PRKD3: variants seen among roughly 807,000 people sequenced by gnomAD.
PRKD3 encodes serine/threonine-protein kinase D3.
In PRKD3, 47 loss-of-function variants were observed where a neutral mutation model predicts 99.2. The observed-to-expected ratio is 0.47, with a 90% CI of 0.38 to 0.60. The LOEUF (loss-of-function observed/expected upper bound fraction) is 0.60. PRKD3 is among the 20% of genes least tolerant of loss of function. The probability of loss-of-function intolerance (pLI) is 0.00; values close to 1 mark genes in which losing one functional copy is unlikely to be tolerated. For synonymous variants in PRKD3, 392 were observed against 355.4 expected (o/e 1.10, Z -1.16); for missense variants, 1,019 against 1,088.4 (o/e 0.94, Z 0.90).
At chr2:37,261,336 A>ATCCTGACGGAG (rs1668426600) in intron 14 of PRKD3, among the ~76,000 whole-genome samples, 1 of 152,050 alleles carries the variant, frequency 6.6e-6, no homozygotes, top group Non-Finnish European at 1.5e-5. Context: ...AAAATACAAA[A>ATCCTGACGGAG]ACTAACCAGG....
intron 6 of PRKD3, 119 bp from the exon 7 acceptor site, chr2:37,282,738 A>G: frequency 2.8e-6 from 2 of 725,548 alleles, no homozygotes; most frequent in Non-Finnish European, 4.7e-6. Flanking sequence ...ATATTAAAAT[A>G]ATAACCACCT....
chr2:37,312,669 A>T (rs1050868124), intron 2 of PRKD3, among the ~76,000 whole-genome samples: 16 of 152,222 alleles, frequency 1.1e-4, no homozygotes, highest in African/African-American at 3.4e-4. Context: ...TCCCTTATAG[A>T]GTAACTACAC....
At chr2:37,263,541 T>C (rs989089008) in intron 14 of PRKD3, among the ~76,000 whole-genome samples, 4 of 152,196 alleles carry the variant, frequency 2.6e-5, no homozygotes, top group African/African-American at 9.6e-5. Flanking sequence ...GTTTTTAGTT[T>C]TTCTTTATAA....
chr2:37,285,516 T>C (rs1162945733), intron 6 of PRKD3, among the ~76,000 whole-genome samples: 1 of 152,138 alleles, frequency 6.6e-6, no homozygotes, highest in Non-Finnish European at 1.5e-5. Flanking sequence ...TTCTCCAAAC[T>C]ACATACTTAA....
At chr2:37,317,394 C>G (rs895816460) in intron 1 of PRKD3, among the ~76,000 whole-genome samples, 18 of 151,518 alleles carry the variant, frequency 1.2e-4, no homozygotes, top group Non-Finnish European at 1.8e-4. Flanking sequence ...CCTTGGCACT[C>G]TACACTGATA....
chr2:37,277,997 A>C lies in PRKD3; in HGVS notation c.1173-8T>G. Reference sequence around the variant, plus strand: ...TTATTGCTTGTTGATGGACTAAAAAATATTTAAAATTTGTAAGTTTGTGTA... The same window carrying C: ...TTATTGCTTGTTGATGGACTAAAAACTATTTAAAATTTGTAAGTTTGTGTA... On this transcript the variant is annotated splice_polypyrimidine_tract_variant and splice_region_variant and intron_variant, in intron 8 of 18. Transcript: ENST00000234179. 1 of 1,591,128 alleles carries C rather than the reference A, an allele frequency of 6.3e-7. No homozygotes were observed. The highest frequency in any genetic ancestry group is 8.6e-7 in the Non-Finnish European group (1 of 1,166,074).
chr2:37,267,828 C>G (rs929550257), intron 13 of PRKD3: 2 of 307,288 alleles, frequency 6.5e-6, no homozygotes, highest in African/African-American at 4.5e-5. Flanking sequence ...GTTAATTACC[C>G]TGACCTAGTC....
Position 37,316,626 on chromosome 2 carries a change from AT to A in PRKD3, c.-103del. 6.7e-7 allele frequency: 1 copy of A among 1,495,608 alleles called. No homozygotes were observed. Among genetic ancestry groups the A allele is most frequent in the South Asian group, 1.4e-5 (1 of 71,314 alleles). 92.6% of individuals were successfully genotyped at this position (1,495,608 alleles called of 1,614,324 possible). Reference sequence around the variant, plus strand: ...GTAAAGAAAATGACCGCACTTTTGGATTTAGTTGAAAACTTCTTTATTTCCT... The same window carrying A: ...GTAAAGAAAATGACCGCACTTTTGGATTAGTTGAAAACTTCTTTATTTCCT... On this transcript the variant is annotated 5_prime_UTR_variant, in exon 2 of 19. The change creates a premature stop within an existing upstream ORF in the 5' untranslated region. Coordinates refer to ENST00000234179, the MANE Select transcript of PRKD3 (RefSeq NM_005813.6).
Position 37,274,492 on chromosome 2 carries a change from A to G in PRKD3, c.1580T>C (p.Ile527Thr). The G allele has an allele frequency of 6.2e-7, 1 of 1,614,118 alleles. No individual in the cohort carries two copies. Among genetic ancestry groups the G allele is most frequent in the Non-Finnish European group, 8.5e-7 (1 of 1,179,994 alleles). Reference protein sequence around the residue: ...LDVAQSWEKAIRQALMPVTPQ... With the variant: ...LDVAQSWEKATRQALMPVTPQ... Reference sequence around the variant, plus strand: ...AGTAACAGGCATGAGGGCTTGGCGAATTGCTTTTTCCCAGCTCTGTGCTAC... The same window carrying G: ...AGTAACAGGCATGAGGGCTTGGCGAGTTGCTTTTTCCCAGCTCTGTGCTAC... The change falls in exon 11 of 19, where the codon ATT becomes ACT. Residue 527 changes from isoleucine (I) to threonine (T), a missense_variant. Physicochemically the swap from Ile to Thr is moderately conservative, Grantham distance 89. This residue lies in a region of PRKD3 where 710 missense variants were observed against 692.7 expected (regional missense o/e 1.02). Transcript: ENST00000234179.
chr2:37,296,966 G>A (rs983376581), intron 2 of PRKD3, among the ~76,000 whole-genome samples: 8 of 148,738 alleles, frequency 5.4e-5, no homozygotes, highest in African/African-American at 7.4e-5. Context: ...TTCTTGAGAC[G>A]TGTATATTAA....
At chr2:37,322,461 A>C (rs11124578) in intron 1 of PRKD3, among the ~76,000 whole-genome samples, 32,036 of 152,116 alleles carry the variant, frequency 0.21, 4,262 homozygotes, top group East Asian at 0.55. Flanking sequence ...ACTGTCAGAG[A>C]GTACTGAGAG....
intron 4 of PRKD3, 79 bp downstream of exon 4, chr2:37,290,789 T>C: frequency 1.4e-6 from 2 of 1,431,836 alleles, no homozygotes; most frequent in South Asian, 1.3e-5. Flanking sequence ...CAGCTCGTCA[T>C]CTTGCTTTTT....
At chr2:37,258,308 G>C (rs113347240) in intron 16 of PRKD3, among the ~76,000 whole-genome samples, 9 of 152,228 alleles carry the variant, frequency 5.9e-5, no homozygotes, top group Non-Finnish European at 1.2e-4. Flanking sequence ...GCTGCTTCTC[G>C]ATTTCAGTGT....
At chr2:37,269,364 G>C (rs1239091475) in intron 13 of PRKD3, 3 of 472,360 alleles carry the variant, frequency 6.4e-6, no homozygotes, top group Non-Finnish European at 1.2e-5. Context: ...ACATCTGTAT[G>C]TGTGAGCTAC....
At chr2:37,288,628 G>A (rs367617477) in intron 5 of PRKD3, among the ~76,000 whole-genome samples, 1 of 152,232 alleles carries the variant, frequency 6.6e-6, no homozygotes, top group East Asian at 1.9e-4. Flanking sequence ...GCCCTTGAGA[G>A]GTACACTGTA....
chr2:37,300,986 A>G (rs942516199), intron 2 of PRKD3, among the ~76,000 whole-genome samples: 6 of 149,840 alleles, frequency 4.0e-5, no homozygotes, highest in African/African-American at 1.5e-4. Context: ...ACTTTAGATG[A>G]AAAATGGTAT....
At chr2:37,276,675 T>C (rs1669583639) in intron 9 of PRKD3, among the ~76,000 whole-genome samples, 1 of 151,762 alleles carries the variant, frequency 6.6e-6, no homozygotes, top group Non-Finnish European at 1.5e-5. Flanking sequence ...TCTTTTATTC[T>C]TGAATTTGTA....
intron 11 of PRKD3, among the ~76,000 whole-genome samples, chr2:37,273,855 AT>A (rs992462204): frequency 6.6e-6 from 1 of 152,190 alleles, no homozygotes; most frequent in African/African-American, 2.4e-5. Context: ...ACTTTATCCA[AT>A]TTAGGCTTAA....
In PRKD3 at chr2:37,260,209, A is replaced by G; in HGVS notation, c.2046+14T>C. The G allele has an allele frequency of 1.3e-6, 2 of 1,563,078 alleles. No homozygotes were observed. The highest frequency in any genetic ancestry group is 2.4e-5 in the South Asian group (2 of 83,976). On this transcript the variant is annotated intron_variant, in intron 15 of 18. Transcript: ENST00000234179. ...TTTAATCGCTAGTTTAAAAAAAAAA[A>G]GGAGTTAAAATACCTGTGTGACCAT...
Sources: allele counts gnomAD v4.1 joint callset (sites outside exome capture counted in the v4.1 genomes callset), GRCh38; gene constraint gnomAD v4.1.1; regional missense constraint gnomAD v4.1.1; transcripts MANE v1.5; gene names NCBI Gene and HGNC (gene_info 2026-07-23, HGNC 2026-07-21).